DZANK1: variants seen among roughly 807,000 people sequenced by gnomAD.
DZANK1 encodes double zinc ribbon and ankyrin repeat domains 1.
In DZANK1, 91 loss-of-function variants were observed where a neutral mutation model predicts 94.5. The ratio of observed to expected loss-of-function variants is 0.96; its 90% confidence interval spans 0.81 to 1.15. The LOEUF (loss-of-function observed/expected upper bound fraction) is 1.15. Ranked by LOEUF, DZANK1 falls within the 50% of genes most tolerant of loss-of-function variation. The probability of loss-of-function intolerance (pLI) is 0.00; values close to 1 mark genes in which losing one functional copy is unlikely to be tolerated. For missense variants in DZANK1, 903 were observed against 916.4 expected (o/e 0.99, Z 0.19); for synonymous variants, 312 against 325.3 (o/e 0.96, Z 0.44).
In DZANK1 at chr20:18,401,158, A is replaced by G. The variant is rs187940225; in HGVS notation, c.1433-2532T>C. Among the ~76,000 whole-genome samples, 365 of 152,280 alleles carry G rather than the reference A, an allele frequency of 2.4e-3. 5 individuals are homozygous for G. The highest frequency in any genetic ancestry group is 0.02 in the Admixed American group (306 of 15,292). ...TGCTATGTTGGCCAGGCTGGTCTCA[A>G]ACTCCTGACCTCAGGTGATCTGCCT... On this transcript the variant is annotated intron_variant, in intron 13 of 20. Coordinates refer to ENST00000262547, the Ensembl canonical transcript of DZANK1.
chr20:18,452,623 G>T, exon 6 of DZANK1: 1 of 1,589,032 alleles, frequency 6.3e-7, no homozygotes, highest in Non-Finnish European at 8.6e-7. Context: ...ACCTGGGACT[G>T]GCGGGTGGGT....
intron 17 of DZANK1, 30 bp downstream of exon 17, chr20:18,393,681 C>A: frequency 1.4e-6 from 2 of 1,412,448 alleles, no homozygotes; most frequent in Non-Finnish European, 2.0e-6. Flanking sequence ...CTGAAGACAA[C>A]ATCCACAAGG....
At chr20:18,454,871 T>G (rs1033817646) in intron 4 of DZANK1, among the ~76,000 whole-genome samples, 1 of 152,198 alleles carries the variant, frequency 6.6e-6, no homozygotes, top group Non-Finnish European at 1.5e-5. Context: ...TGATAGGGCA[T>G]AGCAAACACA....
chr20:18,457,410 G>A (rs1161008256), intron 3 of DZANK1, among the ~76,000 whole-genome samples: 2 of 152,182 alleles, frequency 1.3e-5, no homozygotes, highest in African/African-American at 2.4e-5. Context: ...CCACGAGGCG[G>A]AGGTTGCAGT....
At chr20:18,390,323 A>G in intron 18 of DZANK1, 56 bp downstream of exon 18, 1 of 1,513,416 alleles carries the variant, frequency 6.6e-7, no homozygotes, top group Non-Finnish European at 9.2e-7. Context: ...AAGGAGACAG[A>G]GGTGGAATGC....
At position 18,431,595 on chromosome 20, in the gene DZANK1, T is replaced by TTC. The variant is rs1470296288; in HGVS notation, c.861+2055_861+2056dup. Among the ~76,000 whole-genome samples, 6 of 152,212 alleles carry TTC rather than the reference T, an allele frequency of 3.9e-5. No homozygotes were observed. The South Asian group carries it at 8.3e-4, about 21-fold the overall frequency. On this transcript the variant is annotated intron_variant, in intron 9 of 20. Coordinates refer to ENST00000262547, the Ensembl canonical transcript of DZANK1. ...GGCCAGGGTTTCCAAACAGATGTCC[T>TTC]TCTGTGAGTAGAAGCAGTAATAGTG... is the stretch of plus-strand genomic sequence containing the variant.
At chr20:18,403,936 A>T (rs1299853503) in intron 13 of DZANK1, among the ~76,000 whole-genome samples, 1 of 150,876 alleles carries the variant, frequency 6.6e-6, no homozygotes, top group Non-Finnish European at 1.5e-5. Flanking sequence ...AGTAGCTAGG[A>T]TTATAGATGC....
intron 14 of DZANK1, 22 bp downstream of exon 14, chr20:18,398,501 G>A: frequency 6.2e-7 from 1 of 1,609,754 alleles, no homozygotes; most frequent in South Asian, 1.1e-5. Flanking sequence ...CACTTGTGGA[G>A]TGGAAATTTC....
rs2056116129 is a variant in DZANK1, at chr20:18,393,189, C to T, written c.1809+522G>A. Among the ~76,000 whole-genome samples, 3 of 152,142 alleles carry T rather than the reference C, an allele frequency of 2.0e-5. No homozygotes were observed. The South Asian group carries it at 6.2e-4, about 32-fold the overall frequency. On this transcript the variant is annotated intron_variant, in intron 17 of 20. Coordinates refer to ENST00000262547, the Ensembl canonical transcript of DZANK1. ...AAAAAGCTTCATCCCAAGCTGAAAC[C>T]CGTGAGAGCGCTTCACACACCAACA...
intron 12 of DZANK1, chr20:18,413,256 G>A (rs776598049): frequency 2.9e-5 from 6 of 206,752 alleles, no homozygotes; most frequent in African/African-American, 4.6e-5. Flanking sequence ...ACCATGAAAG[G>A]TTGTGCGTTG....
chr20:18,410,826 C>A (rs1185946750), intron 13 of DZANK1, among the ~76,000 whole-genome samples: 1 of 152,142 alleles, frequency 6.6e-6, no homozygotes, highest in African/African-American at 2.4e-5. Context: ...TGGCTTGTGC[C>A]TGTGCTCCCA....
intron 1 of DZANK1, among the ~76,000 whole-genome samples, chr20:18,466,219 A>G (rs1000788581): frequency 5.9e-5 from 9 of 152,238 alleles, no homozygotes; most frequent in African/African-American, 2.2e-4. Flanking sequence ...TATAATCTAC[A>G]TATTCATTCC....
intron 15 of DZANK1, chr20:18,394,653 T>G (rs1443460570): frequency 3.5e-6 from 2 of 579,252 alleles, no homozygotes; most frequent in Admixed American, 1.9e-5. Flanking sequence ...CCAGCCTCCC[T>G]GCATGTGGCT....
chr20:18,426,338 G>T (rs942008192), intron 10 of DZANK1, among the ~76,000 whole-genome samples: 4 of 152,080 alleles, frequency 2.6e-5, no homozygotes, highest in Admixed American at 2.6e-4. Context: ...CTACAAAACT[G>T]GTCCCTGGTG....
rs59695827 is a variant in DZANK1, at chr20:18,412,631, C to T, written c.1432+15G>A. On this transcript the variant is annotated intron_variant, in intron 13 of 20. Coordinates refer to ENST00000262547, the Ensembl canonical transcript of DZANK1. The stretch of plus-strand genomic sequence containing the variant: ...ATTCCCTCCCGACCAGAAGAAAGGG[C>T]ATCCTCCCCCTTACCTCTTCCTGGG... 679,273 of 1,608,362 alleles carry T rather than the reference C, an allele frequency of 0.42. 149,075 individuals carry two copies. Among genetic ancestry groups the T allele is most frequent in the Middle Eastern group, 0.48 (2,232 of 4,680 alleles).
intron 2 of DZANK1, among the ~76,000 whole-genome samples, chr20:18,463,463 C>T (rs543546259): frequency 5.0e-4 from 76 of 152,108 alleles, no homozygotes; most frequent in African/African-American, 1.7e-3. Context: ...GGTAGGAAAC[C>T]TGCACATGTA....
At chr20:18,388,256 AG>A (rs1470631125) in intron 19 of DZANK1, among the ~76,000 whole-genome samples, 1 of 152,222 alleles carries the variant, frequency 6.6e-6, no homozygotes, top group Non-Finnish European at 1.5e-5. Flanking sequence ...GGGGTGACAA[AG>A]GCTATTACAC....
At chr20:18,457,294 G>C (rs2059323668) in intron 3 of DZANK1, among the ~76,000 whole-genome samples, 1 of 152,096 alleles carries the variant, frequency 6.6e-6, no homozygotes, top group Non-Finnish European at 1.5e-5. Context: ...GGCCAACATA[G>C]CAAAACCCCA....
chr20:18,411,397 A>G (rs2057250235), intron 13 of DZANK1, among the ~76,000 whole-genome samples: 1 of 152,210 alleles, frequency 6.6e-6, no homozygotes, highest in Non-Finnish European at 1.5e-5. Context: ...GATGAAATAG[A>G]TAAATATCTG....
Sources: allele counts gnomAD v4.1 joint callset (sites outside exome capture counted in the v4.1 genomes callset), GRCh38; gene constraint gnomAD v4.1.1; transcripts MANE v1.5; gene names NCBI Gene and HGNC (gene_info 2026-07-23, HGNC 2026-07-21).